ADGRL3: variants seen among roughly 807,000 people sequenced by gnomAD.
ADGRL3 encodes the protein adhesion G protein-coupled receptor L3, also known as calcium-independent alpha-latrotoxin receptor 3.
In ADGRL3, 62 loss-of-function variants were observed where a neutral mutation model predicts 153.5. The observed-to-expected ratio is 0.40, with a 90% confidence interval of 0.33 to 0.50. The LOEUF (loss-of-function observed/expected upper bound fraction) is 0.50, where lower values mean the gene tolerates loss of function less well. Ranked by LOEUF, ADGRL3 falls within the 20% of genes least tolerant of loss-of-function variation. The pLI, the probability that ADGRL3 is intolerant of heterozygous loss-of-function variation, is 0.47. For missense variants in ADGRL3, 1,641 were observed against 1,859.4 expected (o/e 0.88, Z 2.16); for synonymous variants, 710 against 672.5 (o/e 1.06, Z -0.86).
At chr4:61,252,162 C>T (rs983863768) in intron 1 of ADGRL3, among the ~76,000 whole-genome samples, 1 of 152,132 alleles carries the variant, frequency 6.6e-6, no homozygotes, top group Non-Finnish European at 1.5e-5. Flanking sequence ...GGATTACAGG[C>T]ATGAGCCACC....
At chr4:61,532,531 TGCGCGCGCGCGCGCGC>T in intron 4 of ADGRL3, among the ~76,000 whole-genome samples, 1 of 141,300 alleles carries the variant, frequency 7.1e-6, no homozygotes, top group East Asian at 2.3e-4. Flanking sequence ...GGATGCTGCA[TGCGCGCGCGCGCGCGC>T]GCGCGCGCGT....
chr4:61,345,706 C>G (rs2095887136), intron 1 of ADGRL3, among the ~76,000 whole-genome samples: 1 of 152,266 alleles, frequency 6.6e-6, no homozygotes, highest in South Asian at 2.1e-4. Flanking sequence ...TTTTCTGTTT[C>G]TTTTGTCCTC....
intron 1 of ADGRL3, among the ~76,000 whole-genome samples, chr4:61,273,992 C>T: frequency 6.6e-6 from 1 of 151,966 alleles, no homozygotes; most frequent in East Asian, 1.9e-4. Flanking sequence ...TTTGGCAATC[C>T]CATTTATAAT....
At position 61,773,650 on chromosome 4, in the gene ADGRL3, G is replaced by A. The variant is rs377655289; in HGVS notation, c.1399+40096G>A. ...AAAAAATATTTTTATACCACTGTAG[G>A]CAAGGAAAAAAACCCTTTTTCCTTC... On this transcript the variant is annotated intron_variant, in intron 8 of 26. Transcript: ENST00000683033. 3.9e-5 allele frequency among the ~76,000 whole-genome samples: 6 copies of A among 151,994 alleles called. No individual in the cohort carries two copies. In the East Asian group the frequency reaches 9.7e-4, roughly 24 times the overall value.
intron 1 of ADGRL3, among the ~76,000 whole-genome samples, chr4:61,314,078 C>G (rs2095115004): frequency 6.6e-6 from 1 of 152,186 alleles, no homozygotes. Context: ...TTTTTCTCAT[C>G]AACATTTTAA....
chr4:61,902,790 C>A (rs899032767), intron 11 of ADGRL3, among the ~76,000 whole-genome samples: 5 of 152,132 alleles, frequency 3.3e-5, no homozygotes, highest in African/African-American at 1.2e-4. Context: ...ATTCCCTAAT[C>A]ACATACACCA....
chr4:61,700,145 AT>A (rs144208676), intron 6 of ADGRL3, among the ~76,000 whole-genome samples: 3,869 of 152,252 alleles, frequency 0.025, 101 homozygotes, highest in East Asian at 0.07. Context: ...TTCAACAAAT[AT>A]TGTATTATTT....
At chr4:61,218,095 T>C (rs1219668295) in intron 1 of ADGRL3, among the ~76,000 whole-genome samples, 1 of 152,182 alleles carries the variant, frequency 6.6e-6, no homozygotes, top group Admixed American at 6.5e-5. Context: ...CTTAATTATT[T>C]GGAACAAATT....
chr4:61,256,130 A>G (rs2091941625), intron 1 of ADGRL3, among the ~76,000 whole-genome samples: 1 of 152,178 alleles, frequency 6.6e-6, no homozygotes. Flanking sequence ...CTCAAAACAC[A>G]TTTTTTAAGC....
chr4:61,263,460 GAA>G (rs61654507), intron 1 of ADGRL3, among the ~76,000 whole-genome samples: 2 of 132,252 alleles, frequency 1.5e-5, no homozygotes, highest in Non-Finnish European at 1.6e-5. Flanking sequence ...GAGTGCATTT[GAA>G]AAAAAAAAAA....
chr4:61,698,154 G>GA (rs934741157), intron 6 of ADGRL3, among the ~76,000 whole-genome samples: 8 of 151,782 alleles, frequency 5.3e-5, no homozygotes, highest in South Asian at 2.1e-4. Context: ...TGATGCGTTT[G>GA]AAAAAAAATT....
intron 8 of ADGRL3, among the ~76,000 whole-genome samples, chr4:61,734,047 G>C (rs1311520109): frequency 6.6e-6 from 1 of 152,148 alleles, no homozygotes; most frequent in Non-Finnish European, 1.5e-5. Flanking sequence ...GTTTGAGTCT[G>C]TCTGTTCTGA....
intron 1 of ADGRL3, among the ~76,000 whole-genome samples, chr4:61,265,272 G>A (rs1428617422): frequency 6.6e-6 from 1 of 151,880 alleles, no homozygotes; most frequent in African/African-American, 2.4e-5. Context: ...GTGAAGCTTT[G>A]TCATTTGCTG....
At chr4:61,693,107 T>A (rs946044644) in intron 6 of ADGRL3, among the ~76,000 whole-genome samples, 3 of 152,044 alleles carry the variant, frequency 2.0e-5, no homozygotes, top group African/African-American at 7.2e-5. Context: ...TAGGTTTTTT[T>A]ATTATTATTA....
chr4:61,650,911 A>G (rs141734400), intron 5 of ADGRL3, among the ~76,000 whole-genome samples: 18 of 152,314 alleles, frequency 1.2e-4, no homozygotes, highest in African/African-American at 4.1e-4. Flanking sequence ...TTTGAGCAAC[A>G]AATGATTAAT....
chr4:61,616,867 C>T (rs1173675979), intron 5 of ADGRL3, among the ~76,000 whole-genome samples: 1 of 151,814 alleles, frequency 6.6e-6, no homozygotes, highest in Non-Finnish European at 1.5e-5. Flanking sequence ...GTTGCCCAGC[C>T]TGATCTCAAA....
intron 25 of ADGRL3, among the ~76,000 whole-genome samples, chr4:62,064,642 C>A (rs542804897): frequency 6.6e-6 from 1 of 150,792 alleles, no homozygotes; most frequent in Admixed American, 6.6e-5. Flanking sequence ...AATAAAATTT[C>A]TACTATCCTC....
intron 1 of ADGRL3, among the ~76,000 whole-genome samples, chr4:61,366,137 T>C (rs1398799467): frequency 7.7e-6 from 1 of 130,414 alleles, no homozygotes. Flanking sequence ...AAATATTTTC[T>C]TTAAAAAAAA....
rs1213668461 is a variant in ADGRL3, at chr4:62,070,728, C to T, written c.4452C>T (p.Ala1484=). The T allele has an allele frequency of 3.2e-6, 5 of 1,551,578 alleles. No individual in the cohort carries two copies. The highest frequency in any genetic ancestry group is 2.4e-5 in the South Asian group (2 of 84,054). ...TEPPPAKCGD[A]EDVYYKSMPN... ...CCCCACCGGCCAAATGTGGTGATGC[C>T]GAAGATGTTTACTACAAAAGCATGC... The change falls in exon 27 of 27, where the codon GCC becomes GCT. Residue 1484 remains alanine (A), a synonymous_variant. Coordinates refer to ENST00000683033, the MANE Select transcript of ADGRL3 (RefSeq NM_001387552.1).
Sources: allele counts gnomAD v4.1 joint callset (sites outside exome capture counted in the v4.1 genomes callset), GRCh38; gene constraint gnomAD v4.1.1; transcripts MANE v1.5; gene names NCBI Gene and HGNC (gene_info 2026-07-23, HGNC 2026-07-21).